Variants in PTPRD observed in about 807,000 individuals in gnomAD.
PTPRD encodes the protein receptor-type tyrosine-protein phosphatase delta.
A neutral mutation model predicts 214.5 loss-of-function variants in PTPRD; 34 were observed. The observed-to-expected ratio is 0.16, with a 90% CI of 0.12 to 0.21. The LOEUF (loss-of-function observed/expected upper bound fraction) is 0.21. Among genes scored for constraint, PTPRD ranks in the 10% least tolerant of loss-of-function variants. The pLI is 1.00. For synonymous variants in PTPRD, 1,128 were observed against 845.7 expected (o/e 1.33, Z -5.79); for missense variants, 2,545 against 2,398.7 (o/e 1.06, Z -1.27).
Position 9,778,358 on chromosome 9 carries a change from G to T in PTPRD, c.-367-11507C>A, listed in dbSNP as rs556918707. ...TGTGTCCTCCATGAATATGTGATCT[G>T]GCAGGGGGATTTCCCTGGGGAAAAG... is the stretch of plus-strand genomic sequence containing the variant. On this transcript the variant is annotated intron_variant, in intron 5 of 45. Transcript: ENST00000381196. Among the ~76,000 whole-genome samples, 8 of 152,258 alleles carry T rather than the reference G, an allele frequency of 5.3e-5. No homozygotes were observed. In the East Asian group the frequency reaches 1.6e-3, roughly 30 times the overall value.
chr9:9,222,216 T>C (rs184065066), intron 9 of PTPRD, among the ~76,000 whole-genome samples: 117 of 152,200 alleles, frequency 7.7e-4, no homozygotes, highest in Non-Finnish European at 1.4e-3. Context: ...TAGCCTGTGA[T>C]AGACCACTAG....
chr9:10,419,520 G>T (rs1330412854), intron 2 of PTPRD, among the ~76,000 whole-genome samples: 2 of 151,778 alleles, frequency 1.3e-5, no homozygotes, highest in Non-Finnish European at 2.9e-5. Context: ...CTGTCTAATT[G>T]CAATGGCTTT....
chr9:9,634,486 T>C (rs541598596), intron 7 of PTPRD, among the ~76,000 whole-genome samples: 2 of 152,288 alleles, frequency 1.3e-5, no homozygotes, highest in East Asian at 3.9e-4. Flanking sequence ...GTTTCTGCTA[T>C]TGGTAATTCA....
At chr9:9,428,712 C>G (rs1446770375) in intron 8 of PTPRD, among the ~76,000 whole-genome samples, 1 of 152,158 alleles carries the variant, frequency 6.6e-6, no homozygotes, top group Non-Finnish European at 1.5e-5. Context: ...TCTCTCAGAC[C>G]ACAGTGCAAT....
chr9:9,875,166 C>T (rs184159877), intron 5 of PTPRD, among the ~76,000 whole-genome samples: 6 of 152,118 alleles, frequency 3.9e-5, no homozygotes, highest in Admixed American at 6.6e-5. Context: ...TTCTCTATAC[C>T]TTTGCCTAGA....
chr9:9,784,928 T>C (rs942967592), intron 5 of PTPRD, among the ~76,000 whole-genome samples: 2 of 147,434 alleles, frequency 1.4e-5, no homozygotes, highest in East Asian at 2.0e-4. Flanking sequence ...TATCAACAAA[T>C]TGTATATGGT....
chr9:9,748,315 C>G (rs996534990), intron 6 of PTPRD, among the ~76,000 whole-genome samples: 1 of 152,076 alleles, frequency 6.6e-6, no homozygotes, highest in Non-Finnish European at 1.5e-5. Flanking sequence ...ATGTTCACAC[C>G]AGAATTGTTC....
At chr9:8,438,789 G>A (rs2095443143) in intron 34 of PTPRD, 1 of 152,180 alleles carries the variant, frequency 6.6e-6, no homozygotes, top group Non-Finnish European at 1.5e-5. Context: ...AGCCAATCAG[G>A]GAGGCGTAGG....
At chr9:9,775,315 G>A (rs1338395297) in intron 5 of PTPRD, among the ~76,000 whole-genome samples, 1 of 152,136 alleles carries the variant, frequency 6.6e-6, no homozygotes, top group Non-Finnish European at 1.5e-5. Flanking sequence ...CTGAAGGGCT[G>A]GTTCCTTGTG....
chr9:9,658,033 C>T (rs190148513), intron 7 of PTPRD, among the ~76,000 whole-genome samples: 34 of 152,262 alleles, frequency 2.2e-4, no homozygotes, highest in Admixed American at 1.2e-3. Context: ...AAATATTTGC[C>T]TCCATATGTC....
intron 2 of PTPRD, among the ~76,000 whole-genome samples, chr9:10,449,076 C>G (rs924921929): frequency 3.3e-5 from 5 of 151,788 alleles, no homozygotes; most frequent in African/African-American, 1.2e-4. Flanking sequence ...TCCACGGTCT[C>G]CCTCTGATGC....
chr9:9,223,380 G>C (rs536801348), intron 9 of PTPRD, among the ~76,000 whole-genome samples: 1 of 152,096 alleles, frequency 6.6e-6, no homozygotes, highest in Non-Finnish European at 1.5e-5. Flanking sequence ...CTTTTGTGCT[G>C]TAAGAAGATG....
At chr9:8,642,503 C>T (rs1456971966) in intron 12 of PTPRD, among the ~76,000 whole-genome samples, 1 of 152,126 alleles carries the variant, frequency 6.6e-6, no homozygotes, top group African/African-American at 2.4e-5. Context: ...AATCTGCTTC[C>T]TCCTTAAAAA....
chr9:8,647,574 A>G (rs1455325137), intron 12 of PTPRD, among the ~76,000 whole-genome samples: 2 of 152,198 alleles, frequency 1.3e-5, no homozygotes, highest in African/African-American at 2.4e-5. Flanking sequence ...TCAATCAGAA[A>G]AAGACTTCAA....
At chr9:10,519,365 A>G (rs2051365163) in intron 2 of PTPRD, among the ~76,000 whole-genome samples, 1 of 151,486 alleles carries the variant, frequency 6.6e-6, no homozygotes, top group Admixed American at 6.6e-5. Context: ...ATATATATGT[A>G]CTGTTACTAA....
chr9:9,971,930 CAT>C (rs1210029868), intron 4 of PTPRD, among the ~76,000 whole-genome samples: 11 of 151,978 alleles, frequency 7.2e-5, no homozygotes, highest in African/African-American at 2.4e-4. Context: ...TTGCTGGTAA[CAT>C]ATTAGAACTT....
intron 39 of PTPRD, among the ~76,000 whole-genome samples, chr9:8,347,018 T>C (rs1355474433): frequency 1.3e-5 from 2 of 152,070 alleles, no homozygotes; most frequent in African/African-American, 2.4e-5. Context: ...CCATGACTGA[T>C]GGCAAGTGAG....
intron 7 of PTPRD, among the ~76,000 whole-genome samples, chr9:9,715,215 C>A (rs1564717759): frequency 6.6e-6 from 1 of 152,174 alleles, no homozygotes; most frequent in African/African-American, 2.4e-5. Flanking sequence ...AATTATGGTA[C>A]TGCAATTTAT....
chr9:10,058,157 T>C (rs1040968505), intron 3 of PTPRD, among the ~76,000 whole-genome samples: 5 of 152,104 alleles, frequency 3.3e-5, no homozygotes, highest in African/African-American at 4.8e-5. Flanking sequence ...TCCATTACCT[T>C]CGTTCTAGTG....
Sources: gnomAD v4.1 joint callset for allele counts (sites outside exome capture counted in the v4.1 genomes callset) on GRCh38, gnomAD v4.1.1 for gene constraint, MANE v1.5 for transcripts, NCBI Gene and HGNC (gene_info 2026-07-23, HGNC 2026-07-21) for gene names.